The following SYT2 variants were observed in gnomAD, a reference collection of about 807,000 sequenced individuals.
SYT2 encodes the protein synaptotagmin-2.
Under a neutral mutation model 39.9 loss-of-function variants are expected in SYT2, and 15 were observed. The ratio of observed to expected loss-of-function variants is 0.38; its 90% CI spans 0.25 to 0.58. The LOEUF (loss-of-function observed/expected upper bound fraction) is 0.58. Ranked by LOEUF, SYT2 falls within the 20% of genes least tolerant of loss-of-function variation. SYT2 has a pLI of 0.70. For missense variants in SYT2, 389 were observed against 530.3 expected (o/e 0.73, Z 2.62); for synonymous variants, 181 against 204.5 (o/e 0.89, Z 0.98).
intron 1 of SYT2, among the ~76,000 whole-genome samples, chr1:202,626,494 G>A (rs563033467): frequency 9.8e-5 from 13 of 132,860 alleles, no homozygotes; most frequent in South Asian, 2.6e-4. Context: ...CTGCAGCCTC[G>A]ACCCCCACGA....
chr1:202,602,322 C>T (rs1461112711), intron 5 of SYT2, 56 bp downstream of exon 5: 2 of 1,555,026 alleles, frequency 1.3e-6, no homozygotes, highest in African/African-American at 2.7e-5. Context: ...CTGTAGAACT[C>T]AGCAGAGAAT....
At chr1:202,621,294 T>A (rs1211903770) in intron 1 of SYT2, among the ~76,000 whole-genome samples, 6 of 152,244 alleles carry the variant, frequency 3.9e-5, no homozygotes, top group South Asian at 4.2e-4. Flanking sequence ...TGTGTGTTTT[T>A]AAATTTATTT....
intron 1 of SYT2, among the ~76,000 whole-genome samples, chr1:202,666,516 G>A (rs1454599533): frequency 6.8e-6 from 1 of 147,718 alleles, no homozygotes; most frequent in Non-Finnish European, 1.5e-5. Context: ...GGGTAGGGCA[G>A]GAGAAGAGAA....
At chr1:202,637,161 A>AAAC (rs199970116) in intron 1 of SYT2, among the ~76,000 whole-genome samples, 17 of 152,178 alleles carry the variant, frequency 1.1e-4, no homozygotes, top group African/African-American at 2.4e-4. Flanking sequence ...GCCTCTACCA[A>AAAC]AACAACAACA....
chr1:202,675,390 T>C (rs1213224787), intron 1 of SYT2, among the ~76,000 whole-genome samples: 2 of 148,568 alleles, frequency 1.3e-5, no homozygotes, highest in Non-Finnish European at 1.5e-5. Flanking sequence ...ATAATAATTA[T>C]ATAATATATA....
chr1:202,638,213 C>T (rs1691795357), intron 1 of SYT2, among the ~76,000 whole-genome samples: 1 of 152,228 alleles, frequency 6.6e-6, no homozygotes, highest in Non-Finnish European at 1.5e-5. Context: ...GAATTCCATT[C>T]CAGCTGGGGA....
intron 1 of SYT2, among the ~76,000 whole-genome samples, chr1:202,609,624 G>A (rs1387818323): frequency 1.2e-4 from 18 of 152,264 alleles, no homozygotes; most frequent in African/African-American, 3.9e-4. Flanking sequence ...TTTGATTTGC[G>A]TTTCTCTGAT....
At chr1:202,697,142 C>T (rs1320105528) in intron 1 of SYT2, among the ~76,000 whole-genome samples, 1 of 152,226 alleles carries the variant, frequency 6.6e-6, no homozygotes, top group Non-Finnish European at 1.5e-5. Flanking sequence ...GCAGCTGCCA[C>T]AGGGTCTGGA....
chr1:202,703,394 A>T (rs897672965), intron 1 of SYT2, among the ~76,000 whole-genome samples: 1 of 152,178 alleles, frequency 6.6e-6, no homozygotes, highest in Non-Finnish European at 1.5e-5. Context: ...GGGAGTAAAA[A>T]GAAGGGCGGG....
intron 1 of SYT2, among the ~76,000 whole-genome samples, chr1:202,666,968 C>G (rs1006261623): frequency 1.3e-5 from 2 of 152,048 alleles, no homozygotes; most frequent in Non-Finnish European, 2.9e-5. Flanking sequence ...GGCAACTGAG[C>G]GAAACTCTGT....
intron 1 of SYT2, among the ~76,000 whole-genome samples, chr1:202,670,404 G>A (rs1229696437): frequency 1.3e-5 from 2 of 152,160 alleles, no homozygotes; most frequent in Non-Finnish European, 2.9e-5. Context: ...GGGAGCTACT[G>A]GCTGAAAACT....
intron 1 of SYT2, among the ~76,000 whole-genome samples, chr1:202,652,966 C>T (rs112537982): frequency 0.01 from 1,571 of 151,486 alleles, 26 homozygotes; most frequent in African/African-American, 0.035. Context: ...ACCCACCCCC[C>T]CTTAGAGTTT....
chr1:202,637,923 A>ACAAACCTAGCTCATTCCCAAGAGAATAAG (rs1157601830), intron 1 of SYT2, among the ~76,000 whole-genome samples: 2 of 152,228 alleles, frequency 1.3e-5, no homozygotes, highest in Non-Finnish European at 2.9e-5. Flanking sequence ...GGGGCAGGTA[A>ACAAACCTAGCTCATTCCCAAGAGAATAAG]CAAACCTAGC....
At chr1:202,686,994 T>A (rs566994481) in intron 1 of SYT2, among the ~76,000 whole-genome samples, 1 of 152,294 alleles carries the variant, frequency 6.6e-6, no homozygotes, top group South Asian at 2.1e-4. Flanking sequence ...CATGCTGAGC[T>A]GCAGCCTGAC....
In SYT2 at chr1:202,617,966, G is replaced by A. The variant is rs759909956; in HGVS notation, c.-17-12177C>T. ...CTGCCAGGCTGGAGTGCAGTGGCAC[G>A]ATCTTGGCTCACTGCAACCTCTGCC... On this transcript the variant is annotated intron_variant, in intron 1 of 8. Coordinates refer to ENST00000367268, the MANE Select transcript of SYT2 (RefSeq NM_177402.5). 5.5e-4 allele frequency among the ~76,000 whole-genome samples: 84 copies of A among 152,192 alleles called. 1 individual carries two copies. The Middle Eastern group carries it at 0.01, about 18-fold the overall frequency.
chr1:202,697,292 G>C (rs1186777912), intron 1 of SYT2, among the ~76,000 whole-genome samples: 6 of 152,244 alleles, frequency 3.9e-5, no homozygotes, highest in Admixed American at 3.3e-4. Flanking sequence ...TGTGGACCAG[G>C]AGAGGGGGCC....
At chr1:202,650,440 G>T (rs12724779) in intron 1 of SYT2, among the ~76,000 whole-genome samples, 62,610 of 135,820 alleles carry the variant, frequency 0.46, 15,418 homozygotes, top group East Asian at 0.79. Context: ...ATATGCTTTT[G>T]TTTTTTTTTT....
intron 1 of SYT2, among the ~76,000 whole-genome samples, chr1:202,615,489 T>C (rs1691009043): frequency 6.6e-6 from 1 of 152,158 alleles, no homozygotes; most frequent in Non-Finnish European, 1.5e-5. Context: ...CTGGCCACTT[T>C]CCACCCTCCA....
intron 1 of SYT2, among the ~76,000 whole-genome samples, chr1:202,654,593 T>G (rs1692247673): frequency 6.6e-6 from 1 of 152,230 alleles, no homozygotes; most frequent in Non-Finnish European, 1.5e-5. Context: ...TGTGCCCTCA[T>G]GGGGAGTTCA....
Sources: allele counts gnomAD v4.1 joint callset (sites outside exome capture counted in the v4.1 genomes callset), GRCh38; gene constraint gnomAD v4.1.1; transcripts MANE v1.5; gene names NCBI Gene and HGNC (gene_info 2026-07-23, HGNC 2026-07-21).